CDX4: variants seen among roughly 807,000 people sequenced by gnomAD.
CDX4 encodes the protein homeobox protein CDX-4.
In CDX4, 11 loss-of-function variants were observed where a neutral mutation model predicts 14.1. The observed-to-expected ratio is 0.78, with a 90% CI of 0.49 to 1.29. CDX4 has a LOEUF of 1.29. CDX4 is among the 50% of genes most tolerant of loss of function. The pLI is 0.00. For synonymous variants in CDX4, 100 were observed against 93.5 expected, an observed-to-expected ratio of 1.07 and a Z score of -0.40; for missense variants, 257 against 237.4, an observed-to-expected ratio of 1.08 and a Z score of -0.54.
Position 73,454,878 on chromosome X carries a change from A to G in CDX4, c.*293A>G. 4.0e-6 allele frequency: 1 copy of G among 248,853 alleles called. No homozygotes were observed. The allele number at this position is 248,853 out of a possible 1,213,427, so 20.5% of individuals were successfully genotyped here. Reference sequence around the variant, plus strand: ...TTCCAACTCTGTTCACAATTTCAGAAACTTGCTTATGAATAGACTGTAAAA... The same window carrying G: ...TTCCAACTCTGTTCACAATTTCAGAGACTTGCTTATGAATAGACTGTAAAA... On this transcript the variant is annotated 3_prime_UTR_variant, in exon 3 of 3. Coordinates refer to ENST00000373514, the MANE Select transcript of CDX4 (RefSeq NM_005193.2).
In CDX4 at chrX:73,454,569, T is replaced by A; in HGVS notation, c.839T>A (p.Val280Asp). The change falls in exon 3 of 3, where the codon GTT becomes GAT. Residue 280 changes from valine (V) to aspartate (D), a missense_variant. Physicochemically the swap from Val to Asp is radical, Grantham distance 152. Transcript: ENST00000373514. ...RGFQPIEIQQ[V>D]IVSE ...TTTCAACCTATTGAGATACAGCAGG[T>A]TATAGTCTCCGAATGAAAGAAAGCA... The A allele has an allele frequency of 8.3e-7, 1 of 1,203,408 alleles. No individual in the cohort carries two copies. The highest frequency in any genetic ancestry group is 1.1e-6 in the Non-Finnish European group (1 of 889,354).
chrX:73,448,592 C>T lies in CDX4; in HGVS notation c.502+837C>T, dbSNP rs143199747. Reference sequence around the variant, plus strand: ...GGCGTGGGGGCTGAATGCAGGTCTGCGGCAGCGCGAGAGAAGTCAAAGCGA... The same window carrying T: ...GGCGTGGGGGCTGAATGCAGGTCTGTGGCAGCGCGAGAGAAGTCAAAGCGA... On this transcript the variant is annotated intron_variant, in intron 1 of 2. Transcript: ENST00000373514. Among the ~76,000 whole-genome samples the T allele has an allele frequency of 2.4e-3, 272 of 112,093 alleles. 3 individuals are homozygous for T. The East Asian group carries it at 0.03, about 13-fold the overall frequency.
intron 1 of CDX4, among the ~76,000 whole-genome samples, chrX:73,450,397 C>G (rs1203763340): frequency 8.9e-6 from 1 of 111,796 alleles, no homozygotes; most frequent in Non-Finnish European, 1.9e-5. Context: ...AGAAAAGTTT[C>G]TATGGAAAAT....
rs754303817 is a variant in CDX4, at chrX:73,454,424, A to G, written c.694A>G (p.Ile232Val). The change falls in exon 3 of 3, where the codon ATC becomes GTC. Residue 232 changes from isoleucine (I) to valine (V), a missense_variant. Transcript: ENST00000373514. ...QNRRAKERKM[I>V]KKKISQFENS... ...TCGCAGAGCCAAGGAGAGAAAGATG[A>G]TCAAAAAGAAAATCTCCCAGTTTGA... The G allele has an allele frequency of 4.4e-5, 53 of 1,207,661 alleles. 1 individual carries two copies. In the Admixed American group the frequency reaches 1.2e-3, roughly 26 times the overall value.
Position 73,447,542 on chromosome X carries a change from C to T in CDX4, c.289C>T (p.Pro97Ser), listed in dbSNP as rs772299390. ...GCCGTCTAGTACAATGGGCACAGTG[C>T]CGGTGAACGACGTGACCTCTAGCCC... ...PGPSSTMGTV[P>S]VNDVTSSPAA... Residue 97 changes from proline (P) to serine (S), a missense_variant, in exon 1 of 3, where the codon CCG (proline) becomes TCG (serine). By Grantham distance (74) the Pro-to-Ser change is moderately conservative. Transcript: ENST00000373514. 14 of 1,209,659 alleles carry T rather than the reference C, an allele frequency of 1.2e-5. No individual in the cohort carries two copies. Among genetic ancestry groups the T allele is most frequent in the African/African-American group, 1.7e-5 (1 of 57,252 alleles).
chrX:73,454,609 G>A lies in CDX4; in HGVS notation c.*24G>A. ...GAAAGAAAGCAAAGAGAAATTTAAA[G>A]TGCCCTTTTTTTAGTGATGTCTTTT... On this transcript the variant is annotated 3_prime_UTR_variant, in exon 3 of 3. Coordinates refer to ENST00000373514, the MANE Select transcript of CDX4 (RefSeq NM_005193.2). 1 of 1,134,888 alleles carries A rather than the reference G, an allele frequency of 8.8e-7. No individual in the cohort carries two copies. 93.5% of individuals were successfully genotyped at this position (1,134,888 alleles called of 1,213,427 possible).
intron 1 of CDX4, 25 bp downstream of exon 1, chrX:73,447,780 C>T (rs751602796): frequency 8.7e-7 from 1 of 1,147,876 alleles, no homozygotes; most frequent in Non-Finnish European, 1.2e-6. Context: ...CCAATGCCCA[C>T]ACACTTTTCC....
At chrX:73,453,232 A>C (rs1908379026) in intron 1 of CDX4, among the ~76,000 whole-genome samples, 1 of 111,281 alleles carries the variant, frequency 9.0e-6, no homozygotes, top group African/African-American at 3.3e-5. Flanking sequence ...TCATTTTAGG[A>C]GAAACATTAA....
intron 1 of CDX4, among the ~76,000 whole-genome samples, chrX:73,448,570 G>T (rs1012677164): frequency 2.7e-5 from 3 of 112,159 alleles, no homozygotes; most frequent in Non-Finnish European, 5.6e-5. Context: ...TCTCTCAGGC[G>T]TGGGGGCTGA....
chrX:73,447,405 C>T lies in CDX4; in HGVS notation c.152C>T (p.Ser51Leu), dbSNP rs1252102110. Residue 51 changes from serine (S) to leucine (L), a missense_variant, in exon 1 of 3, where the codon TCG becomes TTG. Ser to Leu is a moderately radical substitution (Grantham distance 145, BLOSUM62 -2). Transcript: ENST00000373514. ...ASNFAAAPAF[S>L]HYMGYPHMPS... is the part of the protein sequence containing the mutation. ...AATTTCGCTGCGGCACCGGCTTTCT[C>T]GCACTATATGGGGTATCCTCATATG... 1.7e-6 allele frequency: 2 copies of T among 1,211,105 alleles called. No individual in the cohort carries two copies. The highest frequency in any genetic ancestry group is 1.7e-5 in the African/African-American group (1 of 57,756).
At chrX:73,451,759 A>G (rs2057087529) in intron 1 of CDX4, among the ~76,000 whole-genome samples, 1 of 112,316 alleles carries the variant, frequency 8.9e-6, no homozygotes, top group African/African-American at 3.2e-5. Context: ...TCAAGTTATA[A>G]TTTAAACACT....
At chrX:73,447,902 C>A in intron 1 of CDX4, 147 bp downstream of exon 1, 1 of 638,426 alleles carries the variant, frequency 1.6e-6, no homozygotes, top group South Asian at 3.0e-5. Flanking sequence ...GCCTATTAGG[C>A]ATCTCCCTCG....
intron 1 of CDX4, among the ~76,000 whole-genome samples, chrX:73,450,270 G>A (rs1023480145): frequency 1.2e-4 from 14 of 112,017 alleles, no homozygotes; most frequent in African/African-American, 4.5e-4. Context: ...TAGAGTAAAT[G>A]ACTGTTCCCT....
chrX:73,453,480 AG>A, intron 1 of CDX4, 36 bp from the exon 2 acceptor site: 1 of 1,155,854 alleles, frequency 8.7e-7, no homozygotes, highest in Non-Finnish European at 1.2e-6. Flanking sequence ...TCCAAGAAGC[AG>A]AAAAAGATTA....
chrX:73,450,324 T>C (rs2057083194), intron 1 of CDX4, among the ~76,000 whole-genome samples: 1 of 112,057 alleles, frequency 8.9e-6, no homozygotes, highest in Admixed American at 9.4e-5. Context: ...TTCCACTTAG[T>C]TCTCTAAGTG....
At chrX:73,450,256 C>G (rs189797014) in intron 1 of CDX4, among the ~76,000 whole-genome samples, 34 of 111,992 alleles carry the variant, frequency 3.0e-4, no homozygotes, top group Admixed American at 2.9e-3. Context: ...AGGAGGCTGA[C>G]AGATAGAGTA....
intron 1 of CDX4, among the ~76,000 whole-genome samples, chrX:73,448,639 C>T (rs968276685): frequency 8.9e-6 from 1 of 112,553 alleles, no homozygotes; most frequent in Non-Finnish European, 1.9e-5. Context: ...GCCTAACCAG[C>T]AAGCCAGTGG....
intron 1 of CDX4, among the ~76,000 whole-genome samples, chrX:73,451,781 A>G (rs1482714730): frequency 1.8e-5 from 2 of 112,377 alleles, no homozygotes; most frequent in East Asian, 5.6e-4. Context: ...AGCAACTTTA[A>G]GATTAAGAAG....
intron 1 of CDX4, among the ~76,000 whole-genome samples, chrX:73,449,711 A>G (rs903903296): frequency 1.8e-5 from 2 of 112,058 alleles, no homozygotes; most frequent in African/African-American, 3.2e-5. Context: ...CTTATAGTCT[A>G]AGGTGCATAT....
Sources: allele counts gnomAD v4.1 joint callset (sites outside exome capture counted in the v4.1 genomes callset), GRCh38; gene constraint gnomAD v4.1.1; transcripts MANE v1.5; gene names NCBI Gene and HGNC (gene_info 2026-07-23, HGNC 2026-07-21).